CDYL: variants seen among roughly 807,000 people sequenced by gnomAD.
CDYL encodes chromodomain Y-like protein.
CDYL carries 8 observed loss-of-function variants against 47.3 expected under a neutral mutation model. That is an observed-to-expected ratio of 0.17 (90% CI 0.10 to 0.31). The LOEUF is 0.31. Ranked by LOEUF, CDYL falls within the 10% of genes least tolerant of loss-of-function variation. The pLI is 1.00. For missense variants in CDYL, 471 were observed against 701.4 expected (o/e 0.67, Z 3.71); for synonymous variants, 266 against 265.0 (o/e 1.00, Z -0.04).
At chr6:4,853,153 A>G (rs1760901445) in intron 1 of CDYL, among the ~76,000 whole-genome samples, 2 of 152,128 alleles carry the variant, frequency 1.3e-5, no homozygotes, top group Non-Finnish European at 2.9e-5. Flanking sequence ...TGACACAGTA[A>G]GGTAGCCAAG....
chr6:4,896,559 A>G (rs1014369465), intron 2 of CDYL, among the ~76,000 whole-genome samples: 4 of 152,118 alleles, frequency 2.6e-5, no homozygotes, highest in South Asian at 2.1e-4. Flanking sequence ...GAGAAATGCT[A>G]TTGAAATAAC....
intron 2 of CDYL, among the ~76,000 whole-genome samples, chr6:4,918,262 G>A (rs1344378570): frequency 6.6e-6 from 1 of 152,006 alleles, no homozygotes; most frequent in Admixed American, 6.5e-5. Flanking sequence ...ATACCATGTC[G>A]ATAGCTATGG....
intron 1 of CDYL, among the ~76,000 whole-genome samples, chr6:4,836,742 T>G (rs761364529): frequency 4.6e-5 from 7 of 152,216 alleles, no homozygotes; most frequent in Non-Finnish European, 8.8e-5. Flanking sequence ...CTTGGTATGC[T>G]GGTCTCTAGT....
intron 1 of CDYL, among the ~76,000 whole-genome samples, chr6:4,868,538 T>C (rs930001694): frequency 3.3e-5 from 5 of 152,320 alleles, no homozygotes; most frequent in Middle Eastern, 3.4e-3. Flanking sequence ...CTTAAATCTT[T>C]TTAAAATAAC....
At position 4,825,428 on chromosome 6, in the gene CDYL, G is replaced by T. The variant is rs1298054545; in HGVS notation, c.24+48621G>T. ...GTTTGTTTTTTGTCTAATTACTCTGGCTATAACTTCCAGTTATACACTTCA... is the reference window on the plus strand; with the variant it reads ...GTTTGTTTTTTGTCTAATTACTCTGTCTATAACTTCCAGTTATACACTTCA... On this transcript the variant is annotated intron_variant, in intron 1 of 6. Transcript: ENST00000397588. 5.3e-5 allele frequency among the ~76,000 whole-genome samples: 8 copies of T among 151,842 alleles called. No individual in the cohort carries two copies. In the East Asian group the frequency reaches 1.4e-3, roughly 26 times the overall value.
At chr6:4,741,131 A>G (rs959230860) in intron 3 of CDYL, among the ~76,000 whole-genome samples, 6 of 152,136 alleles carry the variant, frequency 3.9e-5, no homozygotes, top group African/African-American at 1.2e-4. Context: ...AATTTTTTTC[A>G]GTCATGAAAA....
At chr6:4,869,843 GAGA>G (rs1449105102) in intron 1 of CDYL, among the ~76,000 whole-genome samples, 3 of 152,044 alleles carry the variant, frequency 2.0e-5, no homozygotes, top group Non-Finnish European at 4.4e-5. Context: ...TTTAAATAAA[GAGA>G]AGAAGCAATA....
intron 1 of CDYL, among the ~76,000 whole-genome samples, chr6:4,807,008 T>C (rs570915894): frequency 5.9e-5 from 9 of 152,354 alleles, no homozygotes; most frequent in Admixed American, 2.6e-4. Context: ...GACATCTCTC[T>C]GCCGTGTCCT....
chr6:4,791,505 A>G (rs980862206), intron 1 of CDYL, among the ~76,000 whole-genome samples: 2 of 152,162 alleles, frequency 1.3e-5, no homozygotes, highest in African/African-American at 4.8e-5. Context: ...AAAAGAGAAA[A>G]AGTTCTGAGG....
exon 2 of CDYL, chr6:4,715,758 C>G (rs371587179): frequency 6.2e-7 from 1 of 1,613,662 alleles, no homozygotes; most frequent in Non-Finnish European, 8.5e-7. Flanking sequence ...TCAGAGAACA[C>G]AGAGCCCCCG....
chr6:4,836,280 A>T, intron 1 of CDYL: 1 of 984,604 alleles, frequency 1.0e-6, no homozygotes. Flanking sequence ...AACTACATAA[A>T]GAAGAAAAAA....
chr6:4,720,168 GA>G (rs1219406415), intron 2 of CDYL, among the ~76,000 whole-genome samples: 1 of 152,130 alleles, frequency 6.6e-6, no homozygotes, highest in African/African-American at 2.4e-5. Flanking sequence ...TTCTCTGAAG[GA>G]AAAAAACTTG....
intron 2 of CDYL, among the ~76,000 whole-genome samples, chr6:4,725,326 C>G (rs893099149): frequency 2.0e-5 from 3 of 152,248 alleles, no homozygotes; most frequent in Non-Finnish European, 4.4e-5. Flanking sequence ...CGCCTGTGCG[C>G]CCACACTCCT....
intron 1 of CDYL, among the ~76,000 whole-genome samples, chr6:4,781,134 C>A (rs1355026371): frequency 6.6e-6 from 1 of 152,102 alleles, no homozygotes; most frequent in African/African-American, 2.4e-5. Context: ...AGAATGAAAT[C>A]GTATCTGGTG....
At chr6:4,887,198 G>A (rs1346784081) in intron 1 of CDYL, among the ~76,000 whole-genome samples, 2 of 152,116 alleles carry the variant, frequency 1.3e-5, no homozygotes, top group Admixed American at 6.5e-5. Flanking sequence ...CCAATTCCGT[G>A]TGAATTTTGG....
intron 3 of CDYL, 86 bp from the exon 4 acceptor site, chr6:4,937,479 G>A (rs1468724789): frequency 1.8e-6 from 2 of 1,091,040 alleles, no homozygotes; most frequent in African/African-American, 3.5e-5. Flanking sequence ...CTGAGCAACA[G>A]AGTGAGACTC....
chr6:4,734,702 G>T, intron 2 of CDYL: 1 of 1,600,702 alleles, frequency 6.2e-7, no homozygotes, highest in South Asian at 1.1e-5. Flanking sequence ...GAGGGAAGAT[G>T]GGGATGGGGA....
intron 2 of CDYL, among the ~76,000 whole-genome samples, chr6:4,902,202 C>T (rs922801769): frequency 3.3e-5 from 5 of 151,448 alleles, no homozygotes; most frequent in East Asian, 1.9e-4. Flanking sequence ...AGTTCGAGAC[C>T]GGCCTAACCA....
At chr6:4,844,386 G>A (rs1407447287) in intron 1 of CDYL, among the ~76,000 whole-genome samples, 2 of 152,152 alleles carry the variant, frequency 1.3e-5, no homozygotes, top group African/African-American at 4.8e-5. Flanking sequence ...TGTCTTTGGA[G>A]TTTTTCAGCT....
Sources: gnomAD v4.1 joint callset for allele counts (sites outside exome capture counted in the v4.1 genomes callset) on GRCh38, gnomAD v4.1.1 for gene constraint, MANE v1.5 for transcripts, NCBI Gene and HGNC (gene_info 2026-07-23, HGNC 2026-07-21) for gene names.